Variants in MLANA observed in about 807,000 individuals in gnomAD.
MLANA encodes melan-A, also known as melanoma antigen recognized by T-cells 1.
Under a neutral mutation model 15.7 loss-of-function variants are expected in MLANA, and 21 were observed. That is an observed-to-expected ratio of 1.33 (90% CI 0.95 to 1.92). MLANA has a LOEUF of 1.92. Among genes scored for constraint, MLANA ranks in the 40% most tolerant of loss-of-function variants. The pLI is 0.00. For synonymous variants in MLANA, 56 were observed against 51.5 expected, an observed-to-expected ratio of 1.09 and a Z score of -0.37; for missense variants, 164 against 143.8, an observed-to-expected ratio of 1.14 and a Z score of -0.72.
At chr9:5,897,253 C>T (rs1038152456) in intron 2 of MLANA, among the ~76,000 whole-genome samples, 1 of 152,196 alleles carries the variant, frequency 6.6e-6, no homozygotes, top group Non-Finnish European at 1.5e-5. Flanking sequence ...CCAATAAATA[C>T]ATTGTCCACA....
chr9:5,892,468 C>T lies in MLANA; in HGVS notation c.-7C>T. The T allele has an allele frequency of 6.2e-7, 1 of 1,612,578 alleles. No homozygotes were observed. Among genetic ancestry groups the T allele is most frequent in the Non-Finnish European group, 8.5e-7 (1 of 1,179,288 alleles). ...CTGTTAGGTGTCCTGTGCCCTGACC[C>T]TACAAGATGCCAAGAGAAGATGCTC... On this transcript the variant is annotated 5_prime_UTR_variant, in exon 2 of 5. Coordinates refer to ENST00000381477, the MANE Select transcript of MLANA (RefSeq NM_005511.2).
chr9:5,900,310 G>A (rs1314353846), intron 3 of MLANA, among the ~76,000 whole-genome samples: 1 of 152,080 alleles, frequency 6.6e-6, no homozygotes, highest in African/African-American at 2.4e-5. Context: ...TGTAGTTTCT[G>A]AGACTTTTTA....
intron 3 of MLANA, among the ~76,000 whole-genome samples, chr9:5,905,097 C>T (rs750946364): frequency 1.4e-4 from 21 of 152,054 alleles, no homozygotes; most frequent in Non-Finnish European, 2.6e-4. Context: ...TACTTTTTTT[C>T]AGTGGTTTCC....
chr9:5,895,383 CTTTTT>C (rs547452355), intron 2 of MLANA, among the ~76,000 whole-genome samples: 2 of 143,766 alleles, frequency 1.4e-5, no homozygotes, highest in African/African-American at 5.1e-5. Context: ...GGGCCATCTT[CTTTTT>C]TTTTTTTTAA....
chr9:5,906,076 G>A (rs1832783375), intron 3 of MLANA, among the ~76,000 whole-genome samples: 1 of 151,876 alleles, frequency 6.6e-6, no homozygotes, highest in Non-Finnish European at 1.5e-5. Context: ...AATATGTTGG[G>A]TGCAGTGGTG....
chr9:5,907,293 T>C (rs1012308975), intron 4 of MLANA: 4 of 193,930 alleles, frequency 2.1e-5, no homozygotes, highest in African/African-American at 9.3e-5. Flanking sequence ...AGGAAGAATT[T>C]AGTCCTGGAT....
At chr9:5,893,928 C>T (rs1441520390) in intron 2 of MLANA, among the ~76,000 whole-genome samples, 1 of 136,016 alleles carries the variant, frequency 7.4e-6, no homozygotes, top group African/African-American at 2.7e-5. Flanking sequence ...CCGTGGCACC[C>T]ACCCTGGTGG....
rs532074876 is a variant in MLANA at position 5,894,983 on chromosome 9, G to A, written c.77+2432G>A. Reference sequence around the variant, plus strand: ...TTCTGTGTCTTGCAACCTGAATGACGTGCATAAGCAGGGTCAGGTGGGTTA... The same window carrying A: ...TTCTGTGTCTTGCAACCTGAATGACATGCATAAGCAGGGTCAGGTGGGTTA... On this transcript the variant is annotated intron_variant, in intron 2 of 4. Coordinates refer to ENST00000381477, the MANE Select transcript of MLANA (RefSeq NM_005511.2). This position sits in a 1 kb window ranked among gnomAD's most constrained non-coding sequence, Gnocchi z 4.0. Among the ~76,000 whole-genome samples the A allele has an allele frequency of 2.6e-5, 4 of 152,336 alleles. No individual in the cohort carries two copies. Among genetic ancestry groups the A allele is most frequent in the South Asian group, 4.1e-4 (2 of 4,832 alleles).
chr9:5,906,655 G>A (rs542398300), intron 3 of MLANA, among the ~76,000 whole-genome samples: 1 of 152,320 alleles, frequency 6.6e-6, no homozygotes, highest in South Asian at 2.1e-4. Context: ...CTGCACTAGA[G>A]CTTTACTTCT....
chr9:5,906,843 T>A, intron 3 of MLANA, 42 bp from the exon 4 acceptor site: 1 of 1,294,986 alleles, frequency 7.7e-7, no homozygotes, highest in Non-Finnish European at 1.1e-6. Flanking sequence ...TGGATTCAGT[T>A]ACTTCTTCTC....
rs749425206 is a variant in MLANA, at chr9:5,908,754, C to T, written c.*46C>T. The stretch of plus-strand genomic sequence containing the variant: ...ACATGCTGAAATTATTTCTCTCACA[C>T]TTTTGCTTGAATTTAATACAGACAT... On this transcript the variant is annotated 3_prime_UTR_variant, in exon 5 of 5. Transcript: ENST00000381477. 6.4e-7 allele frequency: 1 copy of T among 1,556,784 alleles called. No homozygotes were observed. The highest frequency in any genetic ancestry group is 1.4e-5 in the African/African-American group (1 of 73,734).
chr9:5,908,836 T>G lies in MLANA; in HGVS notation c.*128T>G, dbSNP rs1832985100. 1.2e-6 allele frequency: 1 copy of G among 843,570 alleles called. No homozygotes were observed. The highest frequency in any genetic ancestry group is 1.9e-6 in the Non-Finnish European group (1 of 526,378). The allele number at this position is 843,570 out of a possible 1,614,324, so 52.3% of individuals were successfully genotyped here. A position where few individuals can be genotyped will look rare whatever the true frequency, so the allele number is the denominator to read the frequency against. On this transcript the variant is annotated 3_prime_UTR_variant, in exon 5 of 5. Transcript: ENST00000381477. ...AATGCAAGCCATCTCTAATAATAAG[T>G]CAGTGTTAAAATTTTAGTAGGTCCG...
intron 3 of MLANA, among the ~76,000 whole-genome samples, chr9:5,904,575 T>C (rs1049572192): frequency 6.6e-6 from 1 of 151,034 alleles, no homozygotes; most frequent in Non-Finnish European, 1.5e-5. Flanking sequence ...CAGGTTCAAG[T>C]GATTCTCCTG....
Position 5,897,551 on chromosome 9 carries a change from G to A in MLANA, c.78-6G>A, listed in dbSNP as rs776451325. 8 of 1,613,462 alleles carry A rather than the reference G, an allele frequency of 5.0e-6. No homozygotes were observed. In the African/African-American group the frequency reaches 1.1e-4, roughly 22 times the overall value. ...ACAAAGTGGATTTGTCTATCTCTTG[G>A]GCCAGGGCCGCTGGGATCGGCATCC... On this transcript the variant is annotated splice_region_variant and splice_polypyrimidine_tract_variant and intron_variant, in intron 2 of 4. Coordinates refer to ENST00000381477, the MANE Select transcript of MLANA (RefSeq NM_005511.2).
Position 5,908,748 on chromosome 9 carries a change from C to T in MLANA, c.*40C>T. ...CCTGAGACATGCTGAAATTATTTCT[C>T]TCACACTTTTGCTTGAATTTAATAC... On this transcript the variant is annotated 3_prime_UTR_variant, in exon 5 of 5. Transcript: ENST00000381477. 6.3e-7 allele frequency: 1 copy of T among 1,575,206 alleles called. No homozygotes were observed. The highest frequency in any genetic ancestry group is 8.7e-7 in the Non-Finnish European group (1 of 1,145,020).
chr9:5,898,806 G>A (rs1832214971), intron 3 of MLANA: 1 of 152,116 alleles, frequency 6.6e-6, no homozygotes, highest in African/African-American at 2.4e-5. Flanking sequence ...TCTACACTAA[G>A]CATCCCAGGA....
Position 5,893,294 on chromosome 9 carries a change from G to A in MLANA, c.77+743G>A, listed in dbSNP as rs536954970. ...AAGGGACATACTCTGTACGTGCTGG[G>A]TGGCAGGGGCAGGGGAGGCCCCACC... On this transcript the variant is annotated intron_variant, in intron 2 of 4. Coordinates refer to ENST00000381477, the MANE Select transcript of MLANA (RefSeq NM_005511.2). Among the ~76,000 whole-genome samples, 48 of 152,290 alleles carry A rather than the reference G, an allele frequency of 3.2e-4. 1 individual carries two copies. In the Middle Eastern group the frequency reaches 0.017, roughly 54 times the overall value.
At chr9:5,907,205 C>A (rs1586967097) in intron 4 of MLANA, 2 of 331,310 alleles carry the variant, frequency 6.0e-6, no homozygotes, top group South Asian at 2.3e-4. Context: ...AAGGGAAGTA[C>A]AGATATTTTC....
chr9:5,907,131 A>G, intron 4 of MLANA, 133 bp downstream of exon 4: 1 of 445,316 alleles, frequency 2.2e-6, no homozygotes, highest in Admixed American at 4.4e-5. Flanking sequence ...ACACCTAAAA[A>G]TGGTTAAAAT....
Sources: gnomAD v4.1 joint callset for allele counts (sites outside exome capture counted in the v4.1 genomes callset) on GRCh38, gnomAD v4.1.1 for gene constraint, Gnocchi (gnomAD v3.1) non-coding constraint, MANE v1.5 for transcripts, NCBI Gene and HGNC (gene_info 2026-07-23, HGNC 2026-07-21) for gene names.